The following LY75 variants were observed in gnomAD, a reference collection of about 807,000 sequenced individuals.
LY75 encodes the protein lymphocyte antigen 75.
Under a neutral mutation model 231.7 loss-of-function variants are expected in LY75, and 185 were observed. The observed-to-expected ratio is 0.80, with a 90% CI of 0.71 to 0.90. The LOEUF is 0.90. Ranked by LOEUF, LY75 falls within the 40% of genes least tolerant of loss-of-function variation. The probability of loss-of-function intolerance (pLI) is 0.00; values close to 1 mark genes in which losing one functional copy is unlikely to be tolerated. For synonymous variants in LY75, 668 were observed against 689.0 expected (o/e 0.97, Z 0.48); for missense variants, 1,947 against 2,050.2 (o/e 0.95, Z 0.97).
In LY75 at chr2:159,878,308, A is replaced by G. The variant is rs777986332; in HGVS notation, c.1774+16T>C. The G allele has an allele frequency of 6.2e-7, 1 of 1,611,574 alleles. No homozygotes were observed. Among genetic ancestry groups the G allele is most frequent in the South Asian group, 1.1e-5 (1 of 90,574 alleles). On this transcript the variant is annotated intron_variant, in intron 11 of 34. Coordinates refer to ENST00000263636, the MANE Select transcript of LY75 (RefSeq NM_002349.4). ...TAGTCACAGTATACTACTACTTCAA[A>G]GATTAAGACACTCACCTGGCTCAAG...
Position 159,890,220 on chromosome 2 carries a change from G to A in LY75, c.795C>T (p.Tyr265=). The A allele has an allele frequency of 6.2e-7, 1 of 1,610,342 alleles. No homozygotes were observed. The highest frequency in any genetic ancestry group is 8.5e-7 in the Non-Finnish European group (1 of 1,178,576). The stretch of plus-strand genomic sequence containing the variant: ...CATGCAAATAAAATCTACCTTTAAG[G>A]TAAGTTAATTCAGCAGCACTGTTGA... The part of the protein sequence containing the change: ...LSINSAAELT[Y]LKEKEGIAKI... Residue 265 remains tyrosine (Y), a synonymous_variant, in exon 4 of 35, where the codon TAC becomes TAT. Transcript: ENST00000263636.
intron 28 of LY75, among the ~76,000 whole-genome samples, chr2:159,830,543 A>G (rs757676060): frequency 6.6e-6 from 1 of 151,924 alleles, no homozygotes; most frequent in Non-Finnish European, 1.5e-5. Context: ...TCCAAATTCC[A>G]AATATTCGAG....
chr2:159,857,038 C>T (rs866590529), intron 16 of LY75, among the ~76,000 whole-genome samples: 7 of 152,172 alleles, frequency 4.6e-5, no homozygotes, highest in Middle Eastern at 3.4e-3. Flanking sequence ...AGACATTGTC[C>T]GAATTAATTA....
intron 29 of LY75, among the ~76,000 whole-genome samples, chr2:159,818,917 T>C (rs894619139): frequency 3.3e-5 from 5 of 152,078 alleles, no homozygotes; most frequent in Admixed American, 2.6e-4. Flanking sequence ...ACCAGCTTGA[T>C]TGAGAAAAAG....
rs116058499 is a variant in LY75, at chr2:159,858,457, C to T, written c.2288G>A (p.Arg763Gln). 5,668 of 1,612,554 alleles carry T rather than the reference C, an allele frequency of 3.5e-3. 10 individuals carry two copies. The highest frequency in any genetic ancestry group is 4.2e-3 in the Non-Finnish European group (4,933 of 1,179,454). Residue 763 changes from arginine (R) to glutamine (Q), a missense_variant, in exon 16 of 35, where the codon CGA becomes CAA. By Grantham distance (43) the Arg-to-Gln change is conservative. Transcript: ENST00000263636. ...AAVKVFHRPW[R>Q]RGWHFYDDRE... ...ATCATCATAGAAATGCCAGCCTCTTCGCCATGGCCTATGAAATACCTATAA... is the reference window on the plus strand; with the variant it reads ...ATCATCATAGAAATGCCAGCCTCTTTGCCATGGCCTATGAAATACCTATAA...
chr2:159,874,308 A>T (rs796723825), intron 12 of LY75, among the ~76,000 whole-genome samples: 50 of 56,852 alleles, frequency 8.8e-4, no homozygotes, highest in East Asian at 3.5e-3. Flanking sequence ...TAAATATATA[A>T]ATATATATAT....
At position 159,807,000 on chromosome 2, in the gene LY75, C is replaced by T. The variant is rs1454247719; in HGVS notation, c.4963G>A (p.Gly1655Arg). ...AGAGGCACTTTGCAGACAACTCTTC[C>T]AAAACCATGTTCACATTCAACTTTT... Reference protein sequence around the residue: ...WKKVECEHGFGRVVCKVPLGP... With the variant: ...WKKVECEHGFRRVVCKVPLGP... The change falls in exon 34 of 35, where the codon GGA becomes AGA. Residue 1655 changes from glycine to arginine, a missense_variant. Transcript: ENST00000263636. 2 of 1,613,668 alleles carry T rather than the reference C, an allele frequency of 1.2e-6. No individual in the cohort carries two copies. Among genetic ancestry groups the T allele is most frequent in the Non-Finnish European group, 1.7e-6 (2 of 1,179,782 alleles).
At chr2:159,887,566 C>CA (rs369452762) in intron 4 of LY75, among the ~76,000 whole-genome samples, 1,383 of 103,816 alleles carry the variant, frequency 0.013, 19 homozygotes, top group Middle Eastern at 0.03. Flanking sequence ...TCAACAACAA[C>CA]AAAAAAAAAA....
intron 1 of LY75, among the ~76,000 whole-genome samples, chr2:159,899,637 C>A (rs975950119): frequency 6.6e-6 from 1 of 152,206 alleles, no homozygotes; most frequent in Non-Finnish European, 1.5e-5. Context: ...CATAGTGAGG[C>A]CTCTGTGCTC....
intron 1 of LY75, 121 bp downstream of exon 1, chr2:159,904,468 C>T: frequency 2.6e-6 from 3 of 1,142,182 alleles, no homozygotes; most frequent in South Asian, 1.8e-5. Flanking sequence ...AGCCCCCCCG[C>T]CCCAACAGCA....
At chr2:159,849,837 C>T in intron 23 of LY75, 143 bp downstream of exon 23, 1 of 1,085,294 alleles carries the variant, frequency 9.2e-7, no homozygotes, top group Non-Finnish European at 1.3e-6. Context: ...AATCACTAAC[C>T]TACTTACTAT....
chr2:159,884,369 C>T (rs943072009), intron 6 of LY75, among the ~76,000 whole-genome samples: 1 of 152,166 alleles, frequency 6.6e-6, no homozygotes, highest in East Asian at 1.9e-4. Flanking sequence ...ACATCAGGCC[C>T]TGTGCTTGAC....
chr2:159,874,223 A>AAT (rs1560093262), intron 12 of LY75, among the ~76,000 whole-genome samples: 2 of 25,952 alleles, frequency 7.7e-5, no homozygotes, highest in East Asian at 1.4e-3. Context: ...AATATATATA[A>AAT]ATATATTGTA....
chr2:159,817,612 T>TGGG (rs1339838395), intron 29 of LY75, among the ~76,000 whole-genome samples: 1 of 151,926 alleles, frequency 6.6e-6, no homozygotes, highest in Non-Finnish European at 1.5e-5. Context: ...ATAAAATAAA[T>TGGG]AACAATGAAC....
chr2:159,820,921 C>T (rs572052892), intron 28 of LY75, among the ~76,000 whole-genome samples: 4 of 152,258 alleles, frequency 2.6e-5, no homozygotes, highest in African/African-American at 9.6e-5. Flanking sequence ...CTCACTGCAA[C>T]CTCCACCTCC....
intron 28 of LY75, among the ~76,000 whole-genome samples, chr2:159,827,878 G>C (rs529835163): frequency 1.3e-5 from 2 of 152,046 alleles, no homozygotes; most frequent in Non-Finnish European, 2.9e-5. Context: ...AACACCGCAT[G>C]TTCTCACTCA....
chr2:159,881,179 C>T lies in LY75; in HGVS notation c.1308G>A (p.Trp436Ter). ...TTAGAGTAACTTCAGTACCATCTGA[C>T]CACTGAAATAAAGTTGGTATGTTTA... Reference protein sequence around the residue: ...KNINIPTLFQWSDGTEVTLTY... With the variant: ...KNINIPTLFQ Residue 436 changes from tryptophan (W) to a stop codon, truncating the protein, a stop_gained, in exon 8 of 35, where the codon TGG becomes TGA. Transcript: ENST00000263636. LOFTEE classifies it high-confidence loss of function. The T allele has an allele frequency of 1.2e-6, 2 of 1,613,860 alleles. No individual in the cohort carries two copies. Among genetic ancestry groups the T allele is most frequent in the Non-Finnish European group, 1.7e-6 (2 of 1,179,884 alleles).
chr2:159,866,120 C>T (rs1428576073), intron 13 of LY75, among the ~76,000 whole-genome samples: 2 of 152,006 alleles, frequency 1.3e-5, no homozygotes, highest in Non-Finnish European at 2.9e-5. Flanking sequence ...AATACAGATA[C>T]ATTTTAGAGA....
chr2:159,864,911 A>T lies in LY75; in HGVS notation c.2127T>A (p.His709Gln). Reference sequence around the variant, plus strand: ...TTTTATTCAAACCAATCCACAGCCAATGCTGGCCACTATGTAAAAAGCAAG... The same window carrying T: ...TTTTATTCAAACCAATCCACAGCCATTGCTGGCCACTATGTAAAAAGCAAG... ...HFLTDQFSGQ[H>Q]WLWIGLNKRS... is the part of the protein sequence containing the mutation. Residue 709 changes from histidine to glutamine, a missense_variant, in exon 14 of 35, where the codon CAT (histidine) becomes CAA (glutamine). His to Gln is a conservative substitution (Grantham distance 24). Coordinates refer to ENST00000263636, the MANE Select transcript of LY75 (RefSeq NM_002349.4). The T allele has an allele frequency of 1.9e-6, 3 of 1,599,992 alleles. No homozygotes were observed. The South Asian group carries it at 3.4e-5, about 18-fold the overall frequency.
Sources: gnomAD v4.1 joint callset for allele counts (sites outside exome capture counted in the v4.1 genomes callset) on GRCh38, gnomAD v4.1.1 for gene constraint, MANE v1.5 for transcripts, NCBI Gene and HGNC (gene_info 2026-07-23, HGNC 2026-07-21) for gene names.